RAB27B: variants seen among roughly 807,000 people sequenced by gnomAD.
The protein encoded by RAB27B is ras-related protein Rab-27B.
A neutral mutation model predicts 24.6 loss-of-function variants in RAB27B; 15 were observed. The observed-to-expected ratio is 0.61, with a 90% CI of 0.41 to 0.94. The LOEUF (loss-of-function observed/expected upper bound fraction) is 0.94. RAB27B is among the 40% of genes least tolerant of loss of function. RAB27B has a pLI of 0.00. For synonymous variants in RAB27B, 105 were observed against 92.5 expected, an observed-to-expected ratio of 1.14 and a Z score of -0.78; for missense variants, 261 against 266.8, an observed-to-expected ratio of 0.98 and a Z score of 0.15.
chr18:54,737,178 A>G (rs28434600), intron 2 of RAB27B, among the ~76,000 whole-genome samples: 1,792 of 152,282 alleles, frequency 0.012, 46 homozygotes, highest in African/African-American at 0.041. Context: ...TTCGAACCAT[A>G]TCATAGTTTA....
intron 2 of RAB27B, among the ~76,000 whole-genome samples, chr18:54,743,962 G>T (rs917577281): frequency 1.3e-5 from 2 of 152,190 alleles, no homozygotes; most frequent in Admixed American, 1.3e-4. Context: ...GATGTTAGTG[G>T]TGAAAACCAG....
intron 2 of RAB27B, among the ~76,000 whole-genome samples, chr18:54,764,347 A>G (rs1908291618): frequency 6.6e-6 from 1 of 152,204 alleles, no homozygotes; most frequent in South Asian, 2.1e-4. Context: ...TTTGTAATTC[A>G]ATTCTGTATC....
rs938471913 is a variant in RAB27B, at chr18:54,861,142, T to C, written c.-19-16425T>C. The stretch of plus-strand genomic sequence containing the variant: ...CAGATATTTTGATTAGTTTGCCCTT[T>C]CTCAGATAATAAAGCAAAGCAGTGG... On this transcript the variant is annotated intron_variant, in intron 1 of 5. Coordinates refer to ENST00000262094, the MANE Select transcript of RAB27B (RefSeq NM_004163.4). Among the ~76,000 whole-genome samples, 3 of 152,294 alleles carry C rather than the reference T, an allele frequency of 2.0e-5. No homozygotes were observed. The East Asian group carries it at 5.8e-4, about 29-fold the overall frequency.
chr18:54,724,034 C>G (rs1166896971), intron 2 of RAB27B, among the ~76,000 whole-genome samples: 1 of 143,802 alleles, frequency 7.0e-6, no homozygotes, highest in African/African-American at 2.5e-5. Context: ...AGGGAACATA[C>G]TTTTATAAAT....
intron 2 of RAB27B, among the ~76,000 whole-genome samples, chr18:54,775,012 T>C (rs1908673376): frequency 6.6e-6 from 1 of 152,218 alleles, no homozygotes; most frequent in African/African-American, 2.4e-5. Flanking sequence ...AAAGCCTGTG[T>C]GCTGTCGGGA....
intron 1 of RAB27B, among the ~76,000 whole-genome samples, chr18:54,864,281 G>A (rs930947592): frequency 4.6e-5 from 7 of 151,990 alleles, no homozygotes; most frequent in East Asian, 3.9e-4. Flanking sequence ...TTCTTTTCAC[G>A]TACCATTTAT....
At chr18:54,763,120 CT>C (rs767097926) in intron 2 of RAB27B, among the ~76,000 whole-genome samples, 22 of 151,986 alleles carry the variant, frequency 1.4e-4, no homozygotes, top group Non-Finnish European at 2.9e-4. Context: ...GCAAGGAAAA[CT>C]TTCAGGAAAC....
At chr18:54,853,310 G>A (rs994518227) in intron 1 of RAB27B, among the ~76,000 whole-genome samples, 14 of 152,132 alleles carry the variant, frequency 9.2e-5, no homozygotes, top group African/African-American at 3.4e-4. Context: ...ACCTTTAGAA[G>A]AGCAATTGAT....
At position 54,833,937 on chromosome 18, in the gene RAB27B, C is replaced by T. The variant is rs563533098; in HGVS notation, c.-20+5237C>T. ...AGTCATTGCAGAAACTAGACAAGAC[C>T]AATGAAGATCAGGAAGTGCAGCAAC... On this transcript the variant is annotated intron_variant, in intron 1 of 5. Coordinates refer to ENST00000262094, the MANE Select transcript of RAB27B (RefSeq NM_004163.4). 4.4e-4 allele frequency among the ~76,000 whole-genome samples: 67 copies of T among 152,226 alleles called. 1 individual carries two copies. The South Asian group carries it at 0.014, about 31-fold the overall frequency.
At chr18:54,771,099 G>C (rs1908533405) in intron 2 of RAB27B, among the ~76,000 whole-genome samples, 1 of 152,152 alleles carries the variant, frequency 6.6e-6, no homozygotes, top group Admixed American at 6.6e-5. Flanking sequence ...GGGTGAGCAA[G>C]AGAGACCAAT....
chr18:54,817,038 T>G (rs1910143641), intron 2 of RAB27B, among the ~76,000 whole-genome samples: 1 of 152,202 alleles, frequency 6.6e-6, no homozygotes, highest in South Asian at 2.1e-4. Flanking sequence ...TCACAAATCT[T>G]TATTTCTAAC....
At chr18:54,830,973 G>A (rs1910650621) in intron 1 of RAB27B, among the ~76,000 whole-genome samples, 1 of 152,218 alleles carries the variant, frequency 6.6e-6, no homozygotes, top group Admixed American at 6.5e-5. Flanking sequence ...TATTTGGTAA[G>A]AGTGTTATGC....
intron 1 of RAB27B, among the ~76,000 whole-genome samples, chr18:54,864,425 G>A (rs1365111839): frequency 3.9e-5 from 6 of 151,958 alleles, no homozygotes; most frequent in Non-Finnish European, 7.4e-5. Context: ...ATGATTTGCA[G>A]GTATTTTCAC....
intron 1 of RAB27B, among the ~76,000 whole-genome samples, chr18:54,863,248 T>C (rs1024459592): frequency 3.5e-4 from 54 of 152,218 alleles, no homozygotes; most frequent in Non-Finnish European, 6.8e-4. Flanking sequence ...TCAGGCCCTA[T>C]TGTATCATTT....
chr18:54,802,507 G>C (rs558441965), intron 2 of RAB27B, among the ~76,000 whole-genome samples: 1 of 152,010 alleles, frequency 6.6e-6, no homozygotes, highest in African/African-American at 2.4e-5. Flanking sequence ...TTGACTGAAC[G>C]GTCAGCAACT....
At chr18:54,757,816 ATAAT>A (rs1307620834) in intron 2 of RAB27B, among the ~76,000 whole-genome samples, 1 of 152,166 alleles carries the variant, frequency 6.6e-6, no homozygotes, top group South Asian at 2.1e-4. Context: ...TAATTATAAT[ATAAT>A]TAATTATAAA....
intron 2 of RAB27B, among the ~76,000 whole-genome samples, chr18:54,722,963 T>C (rs969144421): frequency 3.3e-5 from 5 of 152,164 alleles, no homozygotes; most frequent in Admixed American, 3.3e-4. Context: ...AACAGAAAAC[T>C]AAACTAAATT....
At chr18:54,739,437 C>G (rs1031792923) in intron 2 of RAB27B, among the ~76,000 whole-genome samples, 1 of 108,496 alleles carries the variant, frequency 9.2e-6, no homozygotes, top group African/African-American at 3.8e-5. Flanking sequence ...GCCTGGGCAA[C>G]AAGAGCGAAA....
chr18:54,849,013 C>G (rs925112376), intron 1 of RAB27B, among the ~76,000 whole-genome samples: 1 of 152,186 alleles, frequency 6.6e-6, no homozygotes, highest in African/African-American at 2.4e-5. Context: ...GAGCCATCAC[C>G]AGGCCAGCAG....
Sources: allele counts gnomAD v4.1 joint callset (sites outside exome capture counted in the v4.1 genomes callset), GRCh38; gene constraint gnomAD v4.1.1; transcripts MANE v1.5; gene names NCBI Gene and HGNC (gene_info 2026-07-23, HGNC 2026-07-21).